The following CLSTN1 variants were observed in gnomAD, a reference collection of about 807,000 sequenced individuals.
CLSTN1 encodes calsyntenin-1.
A neutral mutation model predicts 108.3 loss-of-function variants in CLSTN1; 28 were observed. That is an observed-to-expected ratio of 0.26 (90% CI 0.19 to 0.35). CLSTN1 has a LOEUF of 0.35. CLSTN1 is among the 10% of genes least tolerant of loss of function. CLSTN1 has a pLI of 1.00. For synonymous variants in CLSTN1, 524 were observed against 534.9 expected (o/e 0.98, Z 0.28); for missense variants, 1,157 against 1,302.6 (o/e 0.89, Z 1.72).
intron 1 of CLSTN1, among the ~76,000 whole-genome samples, chr1:9,779,599 G>C (rs1653147557): frequency 6.6e-6 from 1 of 151,924 alleles, no homozygotes; most frequent in Non-Finnish European, 1.5e-5. Flanking sequence ...AAAAAAAAAA[G>C]TTTTTTTAGT....
intron 2 of CLSTN1, among the ~76,000 whole-genome samples, chr1:9,767,067 G>C (rs996742839): frequency 1.3e-5 from 2 of 152,252 alleles, no homozygotes; most frequent in African/African-American, 4.8e-5. Flanking sequence ...GTGATCCTGG[G>C]TAAACTCATC....
At chr1:9,792,990 GA>G (rs1653833391) in intron 1 of CLSTN1, among the ~76,000 whole-genome samples, 1 of 151,250 alleles carries the variant, frequency 6.6e-6, no homozygotes, top group Non-Finnish European at 1.5e-5. Flanking sequence ...GGAAACTGGA[GA>G]AATCTCGATT....
chr1:9,792,106 T>C (rs1653795666), intron 1 of CLSTN1, among the ~76,000 whole-genome samples: 1 of 150,924 alleles, frequency 6.6e-6, no homozygotes, highest in Non-Finnish European at 1.5e-5. Context: ...CATTTGAACC[T>C]GCGAGGTGGA....
intron 2 of CLSTN1, among the ~76,000 whole-genome samples, chr1:9,757,352 C>T (rs1369685109): frequency 6.6e-6 from 1 of 151,366 alleles, no homozygotes; most frequent in African/African-American, 2.4e-5. Flanking sequence ...CGCCATTCTC[C>T]TACCTCAGCC....
chr1:9,760,329 G>C (rs889513942), intron 2 of CLSTN1, among the ~76,000 whole-genome samples: 3 of 152,130 alleles, frequency 2.0e-5, no homozygotes, highest in Non-Finnish European at 4.4e-5. Flanking sequence ...TGTGGGCTTT[G>C]CAAAACTCAG....
At chr1:9,778,280 A>C (rs1470434130) in intron 1 of CLSTN1, among the ~76,000 whole-genome samples, 1 of 150,870 alleles carries the variant, frequency 6.6e-6, no homozygotes, top group Non-Finnish European at 1.5e-5. Context: ...GCAGACTGTG[A>C]GAAAGTGGCC....
chr1:9,807,593 C>T (rs538379642), intron 1 of CLSTN1, among the ~76,000 whole-genome samples: 130 of 152,316 alleles, frequency 8.5e-4, no homozygotes, highest in African/African-American at 2.9e-3. Context: ...CGCGTCTGGC[C>T]CTAAGTCATT....
Position 9,823,730 on chromosome 1 carries a change from G to C in CLSTN1, c.4C>G (p.Leu2Val), listed in dbSNP as rs1341646545. The change falls in exon 1 of 19, where the codon CTG (leucine) becomes GTG (valine). Residue 2 changes from leucine to valine, a missense_variant. Physicochemically the swap from Leu to Val is conservative, Grantham distance 32. Coordinates refer to ENST00000377298, the MANE Select transcript of CLSTN1 (RefSeq NM_001009566.3). The surrounding 1 kb of genome is among the most constrained non-coding windows in gnomAD (Gnocchi z 6.3). The stretch of plus-strand genomic sequence containing the variant: ...GCCAGCGCGGGAGCGGGGCGGCGCA[G>C]CATCGCCAGCCCGGGGCGGGAGCGG... M[L>V]RRPAPALAPA... is the part of the protein sequence containing the mutation. 2 of 1,067,288 alleles carry C rather than the reference G, an allele frequency of 1.9e-6. No homozygotes were observed. Among genetic ancestry groups the C allele is most frequent in the African/African-American group, 3.4e-5 (2 of 58,790 alleles). The allele number at this position is 1,067,288 out of a possible 1,614,324, so 66.1% of individuals were successfully genotyped here.
chr1:9,816,934 A>G (rs1468293675), intron 1 of CLSTN1, among the ~76,000 whole-genome samples: 1 of 152,224 alleles, frequency 6.6e-6, no homozygotes, highest in Non-Finnish European at 1.5e-5. Context: ...GACGTGAGCC[A>G]CCGCACCCAG....
chr1:9,783,254 T>C (rs1370380565), intron 1 of CLSTN1, among the ~76,000 whole-genome samples: 2 of 152,126 alleles, frequency 1.3e-5, no homozygotes, highest in Admixed American at 6.6e-5. Context: ...ATAAACCTGA[T>C]TGTAAGTAAA....
At chr1:9,770,684 T>A (rs1652631668) in intron 2 of CLSTN1, among the ~76,000 whole-genome samples, 1 of 152,270 alleles carries the variant, frequency 6.6e-6, no homozygotes, top group African/African-American at 2.4e-5. Context: ...GACATTGCTA[T>A]GCATGCTTTA....
chr1:9,793,989 C>A (rs911597368), intron 1 of CLSTN1, among the ~76,000 whole-genome samples: 1 of 151,440 alleles, frequency 6.6e-6, no homozygotes, highest in Non-Finnish European at 1.5e-5. Context: ...AGAACTCTCC[C>A]GCTCCAACTT....
chr1:9,818,027 G>A (rs1162706458), intron 1 of CLSTN1, among the ~76,000 whole-genome samples: 3 of 121,484 alleles, frequency 2.5e-5, no homozygotes, highest in Non-Finnish European at 4.9e-5. Flanking sequence ...TTTTTTTAGA[G>A]ACAGAGTCTT....
intron 1 of CLSTN1, among the ~76,000 whole-genome samples, chr1:9,807,542 T>C (rs1654557384): frequency 6.6e-6 from 1 of 152,204 alleles, no homozygotes; most frequent in Non-Finnish European, 1.5e-5. Flanking sequence ...CAATTTTAAA[T>C]AGCAATATTT....
chr1:9,796,828 C>T (rs1012859965), intron 1 of CLSTN1, among the ~76,000 whole-genome samples: 1 of 152,174 alleles, frequency 6.6e-6, no homozygotes, highest in Admixed American at 6.6e-5. Context: ...TGGCTCTGTT[C>T]AACCATTACA....
intron 16 of CLSTN1, 90 bp downstream of exon 16, chr1:9,733,311 G>C (rs1650505214): frequency 6.6e-7 from 1 of 1,504,726 alleles, no homozygotes; most frequent in Non-Finnish European, 9.2e-7. Flanking sequence ...TGAATGCTCT[G>C]AGGTTGGCGT....
Position 9,731,405 on chromosome 1 carries a change from G to C in CLSTN1, c.2564-15C>G. 6.3e-7 allele frequency: 1 copy of C among 1,596,990 alleles called. No homozygotes were observed. ...GCTGGGGACGACTGTGGGAGAATGA[G>C]GGGGCGGGATGCGAGGTCACTCGGC... On this transcript the variant is annotated splice_polypyrimidine_tract_variant and intron_variant, in intron 17 of 18. Transcript: ENST00000377298.
At chr1:9,824,490 G>A (rs1457265813), upstream of CLSTN1, 2 of 152,404 alleles carry the variant, frequency 1.3e-5, no homozygotes, top group African/African-American at 2.4e-5. This position sits in a 1 kb window ranked among gnomAD's most constrained non-coding sequence, Gnocchi z 5.0. Context: ...CCCCAGTAGA[G>A]GTGTTGAGAG....
chr1:9,821,353 G>A (rs1655183271), intron 1 of CLSTN1, among the ~76,000 whole-genome samples: 1 of 152,146 alleles, frequency 6.6e-6, no homozygotes, highest in Non-Finnish European at 1.5e-5. Context: ...GGCTGGTCTC[G>A]AACTCCTGAC....
Sources: allele counts gnomAD v4.1 joint callset (sites outside exome capture counted in the v4.1 genomes callset), GRCh38; gene constraint gnomAD v4.1.1; non-coding constraint Gnocchi (gnomAD v3.1); transcripts MANE v1.5; gene names NCBI Gene and HGNC (gene_info 2026-07-23, HGNC 2026-07-21).